The following EPB41L4A variants were observed in gnomAD, a reference collection of about 807,000 sequenced individuals.
EPB41L4A encodes band 4.1-like protein 4A.
Under a neutral mutation model 108.6 loss-of-function variants are expected in EPB41L4A, and 100 were observed. That is an observed-to-expected ratio of 0.92 (90% confidence interval 0.78 to 1.09). EPB41L4A has a LOEUF of 1.09. Among genes scored for constraint, EPB41L4A ranks in the 50% least tolerant of loss-of-function variants. The probability of loss-of-function intolerance (pLI) is 0.00; values close to 1 mark genes in which losing one functional copy is unlikely to be tolerated. For missense variants in EPB41L4A, 1,030 were observed against 842.7 expected, an observed-to-expected ratio of 1.22 and a Z score of -2.75; for synonymous variants, 319 against 289.0, an observed-to-expected ratio of 1.10 and a Z score of -1.05.
chr5:112,319,009 C>G (rs896937655), intron 1 of EPB41L4A, among the ~76,000 whole-genome samples: 2 of 152,144 alleles, frequency 1.3e-5, no homozygotes, highest in African/African-American at 4.8e-5. Context: ...TTATAGGAAA[C>G]AGAGCAACAA....
chr5:112,233,423 A>T (rs2150363880), intron 12 of EPB41L4A, among the ~76,000 whole-genome samples: 1 of 152,334 alleles, frequency 6.6e-6, no homozygotes, highest in Non-Finnish European at 1.5e-5. Flanking sequence ...ACATATGTAT[A>T]CATGTATGTA....
At chr5:112,405,949 T>C (rs1345215353) in intron 1 of EPB41L4A, among the ~76,000 whole-genome samples, 1 of 152,252 alleles carries the variant, frequency 6.6e-6, no homozygotes, top group Non-Finnish European at 1.5e-5. Flanking sequence ...CAATAAGCTC[T>C]GAATATATTC....
chr5:112,405,135 C>T (rs1388490986), intron 1 of EPB41L4A, among the ~76,000 whole-genome samples: 1 of 152,090 alleles, frequency 6.6e-6, no homozygotes, highest in Admixed American at 6.5e-5. Context: ...ATCTTGAGCT[C>T]GCATTCTCTC....
chr5:112,317,306 T>C (rs1260417795), intron 1 of EPB41L4A, among the ~76,000 whole-genome samples: 1 of 152,242 alleles, frequency 6.6e-6, no homozygotes, highest in African/African-American at 2.4e-5. Flanking sequence ...TGCTAGATGA[T>C]TTCTTGTACT....
chr5:112,150,179 C>G (rs529773308), intron 12 of EPB41L4A, among the ~76,000 whole-genome samples: 1 of 152,012 alleles, frequency 6.6e-6, no homozygotes, highest in Non-Finnish European at 1.5e-5. Context: ...GTCAGTGATA[C>G]TCCAAGTACT....
chr5:112,297,174 C>T (rs1157043080), intron 2 of EPB41L4A, among the ~76,000 whole-genome samples: 1 of 152,164 alleles, frequency 6.6e-6, no homozygotes, highest in African/African-American at 2.4e-5. Flanking sequence ...ATTGCTGGAT[C>T]AAATGGGAGT....
intron 2 of EPB41L4A, among the ~76,000 whole-genome samples, chr5:112,282,970 A>C (rs548335322): frequency 6.6e-6 from 1 of 152,284 alleles, no homozygotes; most frequent in East Asian, 1.9e-4. Flanking sequence ...AAAGCCAGCT[A>C]AAGAAAATAG....
intron 12 of EPB41L4A, among the ~76,000 whole-genome samples, chr5:112,227,914 C>T (rs985411535): frequency 2.6e-5 from 4 of 152,202 alleles, no homozygotes; most frequent in Non-Finnish European, 5.9e-5. Flanking sequence ...TCAGGGGAAT[C>T]ATTCACTATG....
intron 1 of EPB41L4A, among the ~76,000 whole-genome samples, chr5:112,406,970 C>T (rs1762110201): frequency 6.6e-6 from 1 of 152,048 alleles, no homozygotes; most frequent in Admixed American, 6.6e-5. Flanking sequence ...ACACTCTTGC[C>T]CTGGCTGTCT....
chr5:112,330,446 G>T (rs940248827), intron 1 of EPB41L4A, among the ~76,000 whole-genome samples: 2 of 152,138 alleles, frequency 1.3e-5, no homozygotes, highest in African/African-American at 2.4e-5. Context: ...AATAAGGGTT[G>T]ATGTACCTCT....
chr5:112,264,922 G>C lies in EPB41L4A; in HGVS notation c.528C>G (p.Ala176=). 2 of 1,612,156 alleles carry C rather than the reference G, an allele frequency of 1.2e-6. No homozygotes were observed. The highest frequency in any genetic ancestry group is 1.7e-6 in the Non-Finnish European group (2 of 1,179,268). The change falls in exon 6 of 23, where the codon GCC becomes GCG. Residue 176 remains alanine (A), a synonymous_variant. Coordinates refer to ENST00000261486, the MANE Select transcript of EPB41L4A (RefSeq NM_022140.5). ...TTAGAGTTTTATGAATCCTTTCTAT[G>C]GCTTCTTCAAGTTCTTCCTTCTGAT... The part of the protein sequence containing the change: ...VPDQKEELEE[A]IERIHKTLMG...
rs985703989 is a variant in EPB41L4A, at chr5:112,238,890, C to T, written c.965+770G>A. Reference sequence around the variant, plus strand: ...TTTTTCAAAATATAGAACCCACTCTCATTTTTAATGCTGGTATCAGAAAAA... The same window carrying T: ...TTTTTCAAAATATAGAACCCACTCTTATTTTTAATGCTGGTATCAGAAAAA... On this transcript the variant is annotated intron_variant, in intron 11 of 22. Transcript: ENST00000261486. 7.2e-5 allele frequency among the ~76,000 whole-genome samples: 11 copies of T among 152,330 alleles called. 1 individual carries two copies. The highest frequency in any genetic ancestry group is 3.4e-3 in the Middle Eastern group (1 of 294).
intron 1 of EPB41L4A, among the ~76,000 whole-genome samples, chr5:112,384,134 G>T (rs1760346168): frequency 6.6e-6 from 1 of 152,100 alleles, no homozygotes; most frequent in African/African-American, 2.4e-5. Context: ...AAGGATACAA[G>T]GTTTCTTTTC....
intron 1 of EPB41L4A, among the ~76,000 whole-genome samples, chr5:112,373,575 CT>C (rs1324203244): frequency 1.3e-5 from 2 of 152,240 alleles, no homozygotes; most frequent in Non-Finnish European, 2.9e-5. Flanking sequence ...AATGTATTAA[CT>C]CATTTCATGC....
chr5:112,282,850 C>T (rs1240478685), intron 2 of EPB41L4A, among the ~76,000 whole-genome samples: 1 of 152,104 alleles, frequency 6.6e-6, no homozygotes, highest in Non-Finnish European at 1.5e-5. Flanking sequence ...CTCCTCCTAT[C>T]ATCATCATCA....
downstream of EPB41L4A, chr5:112,161,612 AC>A (rs1236403429): frequency 1.9e-6 from 1 of 519,046 alleles, no homozygotes; most frequent in Non-Finnish European, 3.8e-6. Context: ...TGCATAAGTA[AC>A]AGTTGCTGCT....
At chr5:112,206,460 A>G (rs1762477971) in intron 13 of EPB41L4A, among the ~76,000 whole-genome samples, 1 of 152,178 alleles carries the variant, frequency 6.6e-6, no homozygotes, top group Admixed American at 6.5e-5. Context: ...TATAACCCAT[A>G]GTATTAGTAG....
At chr5:112,199,034 G>C (rs1458864659) in intron 15 of EPB41L4A, among the ~76,000 whole-genome samples, 1 of 152,110 alleles carries the variant, frequency 6.6e-6, no homozygotes, top group Non-Finnish European at 1.5e-5. Flanking sequence ...AAAATGACTG[G>C]AGCCCTTTGG....
chr5:112,310,793 G>C (rs12654372), intron 1 of EPB41L4A, among the ~76,000 whole-genome samples: 6,097 of 152,146 alleles, frequency 0.04, 477 homozygotes, highest in East Asian at 0.33. Context: ...TTTGAGTCTT[G>C]GTGGAGGCAG....
Sources: allele counts gnomAD v4.1 joint callset (sites outside exome capture counted in the v4.1 genomes callset), GRCh38; gene constraint gnomAD v4.1.1; transcripts MANE v1.5; gene names NCBI Gene and HGNC (gene_info 2026-07-23, HGNC 2026-07-21).